The following POU2F3 variants were observed in gnomAD, a reference collection of about 807,000 sequenced individuals.
The protein encoded by POU2F3 is POU domain, class 2, transcription factor 3.
A neutral mutation model predicts 59.2 loss-of-function variants in POU2F3; 23 were observed. The observed-to-expected ratio is 0.39, with a 90% confidence interval of 0.28 to 0.55. The LOEUF (loss-of-function observed/expected upper bound fraction) is 0.55. POU2F3 is among the 20% of genes least tolerant of loss of function. The pLI is 0.66. For synonymous variants in POU2F3, 190 were observed against 214.6 expected (o/e 0.89, Z 1.00); for missense variants, 473 against 544.5 (o/e 0.87, Z 1.31).
At chr11:120,272,401 G>A (rs571704324) in intron 3 of POU2F3, among the ~76,000 whole-genome samples, 2 of 152,350 alleles carry the variant, frequency 1.3e-5, no homozygotes, top group Admixed American at 6.5e-5. Context: ...AGGCCTGGGA[G>A]CCAGAGATTG....
chr11:120,268,968 G>A (rs1343842911), intron 2 of POU2F3, among the ~76,000 whole-genome samples: 2 of 152,124 alleles, frequency 1.3e-5, no homozygotes, highest in African/African-American at 2.4e-5. Context: ...TTTGCTATGT[G>A]ACCTCAGACG....
chr11:120,264,212 C>CACACAT (rs1939728546), intron 2 of POU2F3, among the ~76,000 whole-genome samples: 1 of 151,874 alleles, frequency 6.6e-6, no homozygotes, highest in African/African-American at 2.4e-5. Context: ...CACACACACA[C>CACACAT]ACACACACAC....
chr11:120,313,725 A>G (rs964108166), intron 10 of POU2F3, among the ~76,000 whole-genome samples: 1 of 152,204 alleles, frequency 6.6e-6, no homozygotes, highest in Middle Eastern at 3.2e-3. Context: ...TTTAAAAACA[A>G]CAACAAAGCC....
chr11:120,309,630 C>A, intron 10 of POU2F3, 44 bp downstream of exon 10: 1 of 1,590,556 alleles, frequency 6.3e-7, no homozygotes. Flanking sequence ...ACTGGAGGGA[C>A]ATGATGCTTG....
chr11:120,254,580 C>T (rs1343801522), intron 2 of POU2F3, among the ~76,000 whole-genome samples: 1 of 152,188 alleles, frequency 6.6e-6, no homozygotes, highest in Admixed American at 6.5e-5. Flanking sequence ...GGGGGAAAAG[C>T]AGGAGCCCTT....
intron 3 of POU2F3, among the ~76,000 whole-genome samples, chr11:120,297,616 A>G (rs1287698666): frequency 6.6e-6 from 1 of 152,228 alleles, no homozygotes; most frequent in Non-Finnish European, 1.5e-5. Context: ...AAAACACAGA[A>G]TTTGAGGGAG....
chr11:120,257,282 G>T (rs548144266), intron 2 of POU2F3, among the ~76,000 whole-genome samples: 1 of 152,094 alleles, frequency 6.6e-6, no homozygotes, highest in Admixed American at 6.6e-5. Context: ...CGTTTCCTTA[G>T]GACCCTTTCC....
At chr11:120,302,474 G>A (rs1444350441) in intron 6 of POU2F3, 106 bp downstream of exon 6, 1 of 1,029,922 alleles carries the variant, frequency 9.7e-7, no homozygotes, top group Non-Finnish European at 1.4e-6. Context: ...AACCCCTCTG[G>A]GGAGAGGGGA....
chr11:120,259,213 T>G (rs1160269167), intron 2 of POU2F3: 1 of 152,148 alleles, frequency 6.6e-6, no homozygotes, highest in Non-Finnish European at 1.5e-5. Context: ...AAGGAAGCCC[T>G]GAGGTTGGTG....
In POU2F3 at chr11:120,317,376, G is replaced by A. The variant is rs369465738; in HGVS notation, c.1271+12G>A. The A allele has an allele frequency of 3.5e-5, 57 of 1,614,048 alleles. No homozygotes were observed. The African/African-American group carries it at 6.8e-4, about 19-fold the overall frequency. ...TTTAACTCTTCAGGGTAAGGTGAAG[G>A]GGACGGTGCAGAGACATCCCAGCAG... On this transcript the variant is annotated intron_variant, in intron 12 of 12. Coordinates refer to ENST00000543440, the MANE Select transcript of POU2F3 (RefSeq NM_014352.4).
At chr11:120,305,560 T>C in intron 7 of POU2F3, 84 bp from the exon 8 acceptor site, 1 of 1,539,606 alleles carries the variant, frequency 6.5e-7, no homozygotes, top group Non-Finnish European at 8.8e-7. Flanking sequence ...GGCTGTGTGA[T>C]CGATGCTAGG....
chr11:120,239,958 T>A (rs1306717829), upstream of POU2F3, among the ~76,000 whole-genome samples: 1 of 152,180 alleles, frequency 6.6e-6, no homozygotes, highest in African/African-American at 2.4e-5. Flanking sequence ...CCAGGCTGGG[T>A]TGGAGCAGGC....
intron 3 of POU2F3, among the ~76,000 whole-genome samples, chr11:120,292,544 G>A (rs1941059489): frequency 6.6e-6 from 1 of 152,128 alleles, no homozygotes; most frequent in African/African-American, 2.4e-5. Flanking sequence ...AGCCTTCTGT[G>A]GGGGGCAAAT....
intron 11 of POU2F3, among the ~76,000 whole-genome samples, chr11:120,317,015 TG>T (rs1355781831): frequency 2.0e-5 from 3 of 152,126 alleles, no homozygotes; most frequent in African/African-American, 7.2e-5. Context: ...CTCCAGGGCC[TG>T]GGCTGCAGAG....
chr11:120,273,880 G>C (rs1940187915), intron 3 of POU2F3, among the ~76,000 whole-genome samples: 1 of 152,056 alleles, frequency 6.6e-6, no homozygotes, highest in Non-Finnish European at 1.5e-5. Flanking sequence ...AGCTGGGTGT[G>C]GTGGCAGGTG....
At chr11:120,288,962 T>G in intron 3 of POU2F3, among the ~76,000 whole-genome samples, 1 of 152,188 alleles carries the variant, frequency 6.6e-6, no homozygotes, top group East Asian at 1.9e-4. Context: ...ACAGCTAACT[T>G]TGTCATCTTG....
intron 10 of POU2F3, among the ~76,000 whole-genome samples, chr11:120,312,994 G>T (rs1941688933): frequency 6.6e-6 from 1 of 152,130 alleles, no homozygotes; most frequent in Non-Finnish European, 1.5e-5. Flanking sequence ...GGGGTAGGAG[G>T]AAAGAAGCAC....
chr11:120,289,875 G>C (rs1383661394), intron 3 of POU2F3, among the ~76,000 whole-genome samples: 1 of 152,198 alleles, frequency 6.6e-6, no homozygotes, highest in Non-Finnish European at 1.5e-5. Context: ...AATGTTAGAA[G>C]TACTGCTCTG....
chr11:120,305,304 C>T (rs1193029620), intron 7 of POU2F3, 92 bp downstream of exon 7: 10 of 1,436,098 alleles, frequency 7.0e-6, no homozygotes, highest in South Asian at 1.4e-5. Context: ...ACCAGAGGCT[C>T]GATGTGTTTG....
Sources: gnomAD v4.1 joint callset for allele counts (sites outside exome capture counted in the v4.1 genomes callset) on GRCh38, gnomAD v4.1.1 for gene constraint, MANE v1.5 for transcripts, NCBI Gene and HGNC (gene_info 2026-07-23, HGNC 2026-07-21) for gene names.